EYA2: variants seen among roughly 807,000 people sequenced by gnomAD.
EYA2 encodes EYA transcriptional coactivator and phosphatase 2.
EYA2 carries 31 observed loss-of-function variants against 69.2 expected under a neutral mutation model. That is an observed-to-expected ratio of 0.45 (90% CI 0.34 to 0.60). The LOEUF (loss-of-function observed/expected upper bound fraction) is 0.60, where lower values mean the gene tolerates loss of function less well. Among genes scored for constraint, EYA2 ranks in the 20% least tolerant of loss-of-function variants. The pLI is 0.02. For missense variants in EYA2, 622 were observed against 701.2 expected, an observed-to-expected ratio of 0.89 and a Z score of 1.28; for synonymous variants, 257 against 279.4, an observed-to-expected ratio of 0.92 and a Z score of 0.80.
intron 1 of EYA2, among the ~76,000 whole-genome samples, chr20:46,944,875 G>A (rs555251276): frequency 2.0e-5 from 3 of 152,260 alleles, no homozygotes; most frequent in South Asian, 2.1e-4. Context: ...AGGCCGAGGC[G>A]GGCGGATCTC....
chr20:47,117,399 C>T (rs2032928414), intron 9 of EYA2: 1 of 985,324 alleles, frequency 1.0e-6, no homozygotes, highest in South Asian at 4.7e-5. Context: ...CTGGTGTTGG[C>T]TTTTCTTGCA....
intron 9 of EYA2, among the ~76,000 whole-genome samples, chr20:47,138,320 G>C (rs1225134648): frequency 6.6e-6 from 1 of 151,980 alleles, no homozygotes; most frequent in Non-Finnish European, 1.5e-5. Flanking sequence ...AACAATCTTA[G>C]GAAAATCTGA....
At chr20:47,018,411 A>T (rs2146374311) in intron 5 of EYA2, among the ~76,000 whole-genome samples, 1 of 152,374 alleles carries the variant, frequency 6.6e-6, no homozygotes, top group South Asian at 2.1e-4. Flanking sequence ...ATGGAGAAAG[A>T]TGGACAGTAA....
chr20:46,943,523 A>T (rs1177207869), intron 1 of EYA2, among the ~76,000 whole-genome samples: 1 of 152,214 alleles, frequency 6.6e-6, no homozygotes, highest in African/African-American at 2.4e-5. Context: ...CTGCTGTTGG[A>T]TGTTGAATGA....
intron 7 of EYA2, among the ~76,000 whole-genome samples, chr20:47,085,342 C>T (rs1001600745): frequency 6.6e-6 from 1 of 152,034 alleles, no homozygotes; most frequent in African/African-American, 2.4e-5. Flanking sequence ...TTGAATAGTA[C>T]TCAGCAATAG....
intron 1 of EYA2, among the ~76,000 whole-genome samples, chr20:46,987,960 C>CTATA (rs1568707084): frequency 5.8e-4 from 14 of 24,072 alleles, no homozygotes; most frequent in Non-Finnish European, 7.5e-4. Flanking sequence ...CTCTCTCTCT[C>CTATA]TCTCTATATA....
chr20:47,021,613 C>A (rs143612164), intron 5 of EYA2, among the ~76,000 whole-genome samples: 1,309 of 128,322 alleles, frequency 0.01, 20 homozygotes, highest in African/African-American at 0.037. Flanking sequence ...GGCGACAAAG[C>A]GAGACTCCAT....
In EYA2 at chr20:47,113,712, A is replaced by G. The variant is rs1189421926; in HGVS notation, c.888+16544A>G. On this transcript the variant is annotated intron_variant, in intron 9 of 15. Coordinates refer to ENST00000327619, the MANE Select transcript of EYA2 (RefSeq NM_005244.5). ...TTCCCAGGCTGAGATTTCTCCAGAG[A>G]GAGAAATGCCCAGCATCTGCCACCA... Among the ~76,000 whole-genome samples, 3 of 152,172 alleles carry G rather than the reference A, an allele frequency of 2.0e-5. No homozygotes were observed. In the East Asian group the frequency reaches 5.8e-4, roughly 29 times the overall value.
At chr20:46,996,616 C>T (rs1471763243) in intron 2 of EYA2, among the ~76,000 whole-genome samples, 1 of 152,182 alleles carries the variant, frequency 6.6e-6, no homozygotes, top group African/African-American at 2.4e-5. Context: ...ATCTCACTCA[C>T]TAGACAGGAG....
At chr20:47,152,838 A>G (rs1372724591) in intron 10 of EYA2, among the ~76,000 whole-genome samples, 1 of 150,330 alleles carries the variant, frequency 6.7e-6, no homozygotes, top group African/African-American at 2.5e-5. Flanking sequence ...GAAAAGAAAA[A>G]AAGAAACTGG....
At chr20:47,113,863 T>C (rs1046717871) in intron 9 of EYA2, among the ~76,000 whole-genome samples, 1 of 151,876 alleles carries the variant, frequency 6.6e-6, no homozygotes, top group African/African-American at 2.4e-5. Context: ...TGGGTTTTTT[T>C]TTTTTGTGGA....
chr20:46,936,720 C>G (rs1338359491), intron 1 of EYA2, among the ~76,000 whole-genome samples: 1 of 152,118 alleles, frequency 6.6e-6, no homozygotes, highest in Non-Finnish European at 1.5e-5. Context: ...GAGGCTGGCT[C>G]CCCTCCCCTG....
rs113914641 is a variant in EYA2, at chr20:47,047,323, G to A, written c.416-24862G>A. ...TGCCCACAGGAGTAGGGCAGGTCAC[G>A]CAGAGGAGTAAAGTGGGCTAAGCCT... On this transcript the variant is annotated intron_variant, in intron 5 of 15. Transcript: ENST00000327619. Among the ~76,000 whole-genome samples the A allele has an allele frequency of 5.2e-3, 798 of 152,188 alleles. 6 individuals carry two copies. The highest frequency in any genetic ancestry group is 0.018 in the African/African-American group (759 of 41,496).
intron 1 of EYA2, among the ~76,000 whole-genome samples, chr20:46,962,882 A>G (rs577509188): frequency 6.6e-6 from 1 of 152,234 alleles, no homozygotes; most frequent in South Asian, 2.1e-4. Flanking sequence ...GCCTTCTCTC[A>G]CCACCAGAGA....
chr20:47,086,175 G>A (rs1472694971), intron 7 of EYA2, among the ~76,000 whole-genome samples: 1 of 152,136 alleles, frequency 6.6e-6, no homozygotes, highest in Non-Finnish European at 1.5e-5. Flanking sequence ...ACCTGAGACT[G>A]GGTAATTTAT....
At chr20:47,115,279 GC>G (rs2032858509) in intron 9 of EYA2, among the ~76,000 whole-genome samples, 1 of 152,128 alleles carries the variant, frequency 6.6e-6, no homozygotes, top group South Asian at 2.1e-4. Flanking sequence ...AGGACCCCCT[GC>G]CCAGCTCATC....
rs926240985 is a variant in EYA2 at position 47,174,040 on chromosome 20, T to C, written c.1198+1173T>C. Among the ~76,000 whole-genome samples the C allele has an allele frequency of 2.0e-5, 3 of 152,220 alleles. No individual in the cohort carries two copies. The East Asian group carries it at 5.8e-4, about 29-fold the overall frequency. On this transcript the variant is annotated intron_variant, in intron 12 of 15. Transcript: ENST00000327619. ...TAGTCTAGAGAATTCTGGAGTTCTC[T>C]AGAACAGAGGTTTTTAACTAGGGGT... is the stretch of plus-strand genomic sequence containing the variant.
intron 1 of EYA2, among the ~76,000 whole-genome samples, chr20:46,953,486 G>A (rs889307528): frequency 1.6e-4 from 25 of 152,190 alleles, no homozygotes; most frequent in African/African-American, 3.6e-4. Context: ...AGAATGAGCC[G>A]GGTTGGAAGT....
intron 1 of EYA2, among the ~76,000 whole-genome samples, chr20:46,977,854 G>A (rs76173756): frequency 0.013 from 1,980 of 152,288 alleles, 22 homozygotes; most frequent in Middle Eastern, 0.068. Context: ...GTGTGGACAG[G>A]AGGAGGGATT....
Sources: gnomAD v4.1 joint callset for allele counts (sites outside exome capture counted in the v4.1 genomes callset) on GRCh38, gnomAD v4.1.1 for gene constraint, MANE v1.5 for transcripts, NCBI Gene and HGNC (gene_info 2026-07-23, HGNC 2026-07-21) for gene names.